The following TEF variants were observed in gnomAD, a reference collection of about 807,000 sequenced individuals.
TEF encodes TEF transcription factor, PAR bZIP family member.
Under a neutral mutation model 20.8 loss-of-function variants are expected in TEF, and 3 were observed. The observed-to-expected ratio is 0.14, with a 90% CI of 0.07 to 0.37. TEF has a LOEUF of 0.37. Among genes scored for constraint, TEF ranks in the 10% least tolerant of loss-of-function variants. TEF has a pLI of 1.00. For synonymous variants in TEF, 180 were observed against 171.1 expected (o/e 1.05, Z -0.41); for missense variants, 296 against 397.9 (o/e 0.74, Z 2.18).
At chr22:41,367,557 T>C in exon 1 of TEF, 1 of 1,551,360 alleles carries the variant, frequency 6.4e-7, no homozygotes, top group Non-Finnish European at 8.7e-7. Flanking sequence ...GGTCCTCAAG[T>C]CCCTGCTGGA....
chr22:41,395,424 A>G (rs2037215461), intron 3 of TEF, among the ~76,000 whole-genome samples: 1 of 152,154 alleles, frequency 6.6e-6, no homozygotes, highest in Non-Finnish European at 1.5e-5. Context: ...CTAGGCCCTT[A>G]CCCACAACCA....
chr22:41,379,162 C>A (rs1366563588), upstream of TEF, among the ~76,000 whole-genome samples: 1 of 151,874 alleles, frequency 6.6e-6, no homozygotes, highest in East Asian at 2.0e-4. Context: ...TGTGGTAAAA[C>A]CCCGTCTCTA....
chr22:41,396,184 C>G lies in TEF; in HGVS notation c.*224C>G. ...TCACTGGTGGGGAACGCAAGAGAAT[C>G]TGCGTAGATGGGTGACTCAGCCTTA... is the stretch of plus-strand genomic sequence containing the variant. On this transcript the variant is annotated 3_prime_UTR_variant, in exon 4 of 4. Coordinates refer to ENST00000266304, the MANE Select transcript of TEF (RefSeq NM_003216.4). The G allele has an allele frequency of 5.6e-6, 3 of 538,180 alleles. No individual in the cohort carries two copies. The highest frequency in any genetic ancestry group is 1.0e-5 in the Non-Finnish European group (3 of 299,478). The allele number at this position is 538,180 out of a possible 1,614,324, so 33.3% of individuals were successfully genotyped here.
At chr22:41,391,075 G>T (rs1199181702) in intron 2 of TEF, among the ~76,000 whole-genome samples, 1 of 152,130 alleles carries the variant, frequency 6.6e-6, no homozygotes, top group Non-Finnish European at 1.5e-5. Flanking sequence ...CAGTTACCAT[G>T]TGGGTCCCTG....
chr22:41,396,178 G>C lies in TEF; in HGVS notation c.*218G>C. On this transcript the variant is annotated 3_prime_UTR_variant, in exon 4 of 4. Coordinates refer to ENST00000266304, the MANE Select transcript of TEF (RefSeq NM_003216.4). Reference sequence around the variant, plus strand: ...GTCTCCTCACTGGTGGGGAACGCAAGAGAATCTGCGTAGATGGGTGACTCA... The same window carrying C: ...GTCTCCTCACTGGTGGGGAACGCAACAGAATCTGCGTAGATGGGTGACTCA... 1 of 548,580 alleles carries C rather than the reference G, an allele frequency of 1.8e-6. No homozygotes were observed. The highest frequency in any genetic ancestry group is 3.1e-5 in the East Asian group (1 of 32,414). 34.0% of individuals were successfully genotyped at this position (548,580 alleles called of 1,614,324 possible).
intron 3 of TEF, among the ~76,000 whole-genome samples, 170 bp from the exon 4 acceptor site, chr22:41,395,575 G>A (rs1304226228): frequency 1.3e-5 from 2 of 152,110 alleles, no homozygotes; most frequent in Admixed American, 6.6e-5. Flanking sequence ...TGCCCCCGAG[G>A]AAAGGGCAGT....
Position 41,387,402 on chromosome 22 carries a change from G to A in TEF, c.209G>A (p.Ser70Asn), listed in dbSNP as rs2037111283. Residue 70 changes from serine (S) to asparagine (N), a missense_variant, in exon 2 of 4, where the codon AGC becomes AAC. By Grantham distance (46) the Ser-to-Asn change is conservative. Around this residue, in one of 2 missense-constraint regions of TEF, gnomAD observed 194 missense variants for 317.8 expected, o/e 0.61. Transcript: ENST00000266304. Reference sequence around the variant, plus strand: ...GAGGAGGACGAGGCCGCAGCCGCCAGCACCATGGCTGTCTCAGCCTCCCTC... The same window carrying A: ...GAGGAGGACGAGGCCGCAGCCGCCAACACCATGGCTGTCTCAGCCTCCCTC... ...KLEEDEAAAA[S>N]TMAVSASLMP... 2 of 1,614,112 alleles carry A rather than the reference G, an allele frequency of 1.2e-6. No homozygotes were observed. The highest frequency in any genetic ancestry group is 1.7e-6 in the Non-Finnish European group (2 of 1,180,050).
At chr22:41,383,523 G>A (rs2037060710) in intron 1 of TEF, among the ~76,000 whole-genome samples, 1 of 152,180 alleles carries the variant, frequency 6.6e-6, no homozygotes, top group African/African-American at 2.4e-5. Flanking sequence ...CAGTCCTAGA[G>A]GGTATTCTCC....
Position 41,394,032 on chromosome 22 carries a change from G to T in TEF, c.476-64G>T. 2 of 1,473,524 alleles carry T rather than the reference G, an allele frequency of 1.4e-6. 1 individual carries two copies. Among genetic ancestry groups the T allele is most frequent in the South Asian group, 2.4e-5 (2 of 81,754 alleles). The allele number at this position is 1,473,524 out of a possible 1,614,324, so 91.3% of individuals were successfully genotyped here. A position where few individuals can be genotyped will look rare whatever the true frequency, so the allele number is the denominator to read the frequency against. On this transcript the variant is annotated intron_variant, in intron 2 of 3. Transcript: ENST00000266304. ...TTGAGGTTCAACCAGGTGTCTGGGT[G>T]TGTGGCGTGGGTCTTCTCTGTCCAG...
chr22:41,385,202 AAAAC>A (rs1293411247), intron 1 of TEF, among the ~76,000 whole-genome samples: 8 of 152,034 alleles, frequency 5.3e-5, no homozygotes, highest in East Asian at 1.9e-4. Flanking sequence ...TGTCTCTACT[AAAAC>A]AAAATTAGCC....
At chr22:41,389,072 C>T (rs763541457) in intron 2 of TEF, among the ~76,000 whole-genome samples, 1 of 151,872 alleles carries the variant, frequency 6.6e-6, no homozygotes, top group Non-Finnish European at 1.5e-5. Flanking sequence ...ACAATAAATC[C>T]ATCAACATTC....
chr22:41,380,642 G>A (rs4822025), upstream of TEF, among the ~76,000 whole-genome samples: 16 of 152,090 alleles, frequency 1.1e-4, no homozygotes, highest in African/African-American at 2.9e-4. Context: ...GGAGTTAAGC[G>A]GGGAGTCTAA....
intron 1 of TEF, among the ~76,000 whole-genome samples, chr22:41,385,016 A>G (rs1383415432): frequency 1.3e-5 from 2 of 152,228 alleles, no homozygotes; most frequent in Non-Finnish European, 2.9e-5. Context: ...CGGACTCCCA[A>G]AGTGCTAGGA....
intron 1 of TEF, chr22:41,370,027 T>C (rs2036863027): frequency 1.0e-6 from 1 of 985,296 alleles, no homozygotes; most frequent in Admixed American, 6.1e-5. Context: ...TACAGGAAAG[T>C]CTGCGGAGTG....
In TEF at chr22:41,382,142, G is replaced by A; in HGVS notation, c.98G>A (p.Gly33Glu). The A allele has an allele frequency of 1.6e-6, 2 of 1,239,690 alleles. No individual in the cohort carries two copies. Among genetic ancestry groups the A allele is most frequent in the African/African-American group, 1.5e-5 (1 of 64,810 alleles). The allele number at this position is 1,239,690 out of a possible 1,614,324, so 76.8% of individuals were successfully genotyped here. Residue 33 changes from glycine to glutamate, a missense_variant, in exon 1 of 4, where the codon GGG becomes GAG. Around this residue, in one of 2 missense-constraint regions of TEF, gnomAD observed 102 missense variants for 80.1 expected, o/e 1.27. Coordinates refer to ENST00000266304, the MANE Select transcript of TEF (RefSeq NM_003216.4). ...GRAAGERGLS[G>E]SFPLVLKKLM... ...GCAGCTGGGGAAAGGGGCCTGTCGG[G>A]GTCCTTCCCCCTGGTCCTGAAGAAG...
chr22:41,379,948 G>A (rs1208971916), upstream of TEF, among the ~76,000 whole-genome samples: 11 of 151,410 alleles, frequency 7.3e-5, no homozygotes, highest in African/African-American at 2.4e-4. Flanking sequence ...AAAAGAAAAG[G>A]AGGCCTGAAA....
upstream of TEF, chr22:41,381,808 C>G: frequency 5.6e-6 from 6 of 1,076,484 alleles, no homozygotes; most frequent in Non-Finnish European, 7.0e-6. Flanking sequence ...TGCGCCTGCC[C>G]CTCTCGCAGG....
intron 1 of TEF, chr22:41,369,062 C>T (rs1407180374): frequency 1.0e-6 from 1 of 985,142 alleles, no homozygotes; most frequent in Non-Finnish European, 1.2e-6. Context: ...TCCCTCCTGG[C>T]TCCCCCAAGG....
exon 1 of TEF, chr22:41,367,504 G>A: frequency 6.5e-7 from 1 of 1,549,482 alleles, no homozygotes; most frequent in Non-Finnish European, 8.7e-7. Flanking sequence ...GGCTGTGTGA[G>A]CTGCGACTGG....
Sources: gnomAD v4.1 joint callset for allele counts (sites outside exome capture counted in the v4.1 genomes callset) on GRCh38, gnomAD v4.1.1 for gene constraint, gnomAD v4.1.1 regional missense constraint, MANE v1.5 for transcripts, NCBI Gene and HGNC (gene_info 2026-07-23, HGNC 2026-07-21) for gene names.